Variants in PPIC observed in about 807,000 individuals in gnomAD.
PPIC encodes the protein peptidyl-prolyl cis-trans isomerase C.
In PPIC, 19 loss-of-function variants were observed where a neutral mutation model predicts 19.5. The observed-to-expected ratio is 0.98, with a 90% confidence interval of 0.68 to 1.43. The LOEUF is 1.43. Ranked by LOEUF, PPIC falls within the 40% of genes most tolerant of loss-of-function variation. PPIC has a pLI of 0.00. For synonymous variants in PPIC, 107 were observed against 101.2 expected (o/e 1.06, Z -0.34); for missense variants, 268 against 268.6 (o/e 1.00, Z 0.02).
intron 1 of PPIC, among the ~76,000 whole-genome samples, chr5:123,034,671 T>C (rs974096035): frequency 1.3e-5 from 2 of 152,348 alleles, no homozygotes; most frequent in South Asian, 2.1e-4. Context: ...CATTTATTCA[T>C]TGTTAATCTG....
intron 1 of PPIC, among the ~76,000 whole-genome samples, chr5:123,033,803 C>T (rs766429352): frequency 6.6e-6 from 1 of 152,234 alleles, no homozygotes; most frequent in Non-Finnish European, 1.5e-5. Flanking sequence ...TGCTAATGTG[C>T]TTGCAAGCTG....
intron 3 of PPIC, among the ~76,000 whole-genome samples, chr5:123,028,011 A>G (rs1034457912): frequency 6.6e-6 from 1 of 152,196 alleles, no homozygotes; most frequent in African/African-American, 2.4e-5. Flanking sequence ...GTTTGTTTCT[A>G]TTACAATTTT....
At position 123,036,392 on chromosome 5, in the gene PPIC, C is replaced by A; in HGVS notation, c.117+117G>T. On this transcript the variant is annotated intron_variant, in intron 1 of 4. Coordinates refer to ENST00000306442, the MANE Select transcript of PPIC (RefSeq NM_000943.5). The surrounding 1 kb of genome is among the most constrained non-coding windows in gnomAD (Gnocchi z 4.5). ...CCCAGTCCCGCGGCCGCCTCCAGTC[C>A]CCCTGCGCCCGGGAAGCCTCCACCT... 1 of 953,928 alleles carries A rather than the reference C, an allele frequency of 1.0e-6. No homozygotes were observed. Among genetic ancestry groups the A allele is most frequent in the Non-Finnish European group, 1.6e-6 (1 of 623,110 alleles). 59.1% of individuals were successfully genotyped at this position (953,928 alleles called of 1,614,324 possible). A position where few individuals can be genotyped will look rare whatever the true frequency, so the allele number is the denominator to read the frequency against.
intron 1 of PPIC, among the ~76,000 whole-genome samples, chr5:123,030,533 A>C (rs563333630): frequency 6.6e-6 from 1 of 152,390 alleles, no homozygotes; most frequent in East Asian, 1.9e-4. Flanking sequence ...GTTCAAGTCA[A>C]GAGCTTCTGC....
rs1271822270 is a variant in PPIC at position 123,024,350 on chromosome 5, T to TA, written c.511-348dup. Among the ~76,000 whole-genome samples the TA allele has an allele frequency of 2.6e-5, 4 of 152,330 alleles. No individual in the cohort carries two copies. The East Asian group carries it at 7.7e-4, about 29-fold the overall frequency. ...GTAAAAGGCATTTCCATTCACCTGG[T>TA]ATAAGCCAGCGTAACAGTTAACATG... On this transcript the variant is annotated intron_variant, in intron 4 of 4. Coordinates refer to ENST00000306442, the MANE Select transcript of PPIC (RefSeq NM_000943.5).
At chr5:123,031,755 G>A (rs536477690) in intron 1 of PPIC, among the ~76,000 whole-genome samples, 2 of 152,286 alleles carry the variant, frequency 1.3e-5, no homozygotes, top group South Asian at 2.1e-4. Context: ...CACTGGGGTG[G>A]TGGCAGAAGG....
chr5:123,031,637 A>G (rs1249215902), intron 1 of PPIC, among the ~76,000 whole-genome samples: 1 of 152,164 alleles, frequency 6.6e-6, no homozygotes, highest in Non-Finnish European at 1.5e-5. Flanking sequence ...GGCAAAAGAG[A>G]GAAGACAAAG....
chr5:123,029,022 C>G, intron 2 of PPIC, 154 bp from the exon 3 acceptor site: 3 of 822,076 alleles, frequency 3.6e-6, no homozygotes, highest in Non-Finnish European at 5.6e-6. Context: ...AGAAATTTAT[C>G]ATTAGCTGAC....
At chr5:123,028,400 C>T (rs940761835) in intron 3 of PPIC, 3 of 173,680 alleles carry the variant, frequency 1.7e-5, no homozygotes, top group Admixed American at 6.3e-5. Flanking sequence ...CCTCCTGCAA[C>T]GCCCACCTCT....
At chr5:123,024,029 G>T (rs775458766) in intron 4 of PPIC, 26 bp from the exon 5 acceptor site, 2 of 1,603,660 alleles carry the variant, frequency 1.2e-6, no homozygotes, top group Non-Finnish European at 1.7e-6. Flanking sequence ...TAGACACATG[G>T]TTTAATTCTG....
chr5:123,025,019 T>G (rs935230176), intron 4 of PPIC, among the ~76,000 whole-genome samples: 1 of 152,198 alleles, frequency 6.6e-6, no homozygotes. Context: ...CCCAACAGTA[T>G]AGATTCAAAT....
At chr5:123,033,900 G>A (rs185732913) in intron 1 of PPIC, among the ~76,000 whole-genome samples, 11 of 152,334 alleles carry the variant, frequency 7.2e-5, no homozygotes, top group African/African-American at 2.4e-4. Flanking sequence ...CATTGGTTCA[G>A]AAATATAGGT....
chr5:123,029,697 TG>T lies in PPIC; in HGVS notation c.118-280del, dbSNP rs769750395. On this transcript the variant is annotated intron_variant, in intron 1 of 4. Transcript: ENST00000306442. ...AAGGCTGACTCAACTCTGTCAGTGTTGGCCAATGAAGTCTTCAATAATTCTT... is the reference window on the plus strand; with the variant it reads ...AAGGCTGACTCAACTCTGTCAGTGTTGCCAATGAAGTCTTCAATAATTCTT... 3.3e-5 allele frequency among the ~76,000 whole-genome samples: 5 copies of T among 152,310 alleles called. 1 individual carries two copies. The highest frequency in any genetic ancestry group is 1.3e-4 in the Admixed American group (2 of 15,304).
chr5:123,029,365 G>A lies in PPIC; in HGVS notation c.171C>T (p.Gly57=), dbSNP rs758526667. 3.7e-6 allele frequency: 6 copies of A among 1,611,098 alleles called. No homozygotes were observed. The highest frequency in any genetic ancestry group is 2.2e-5 in the East Asian group (1 of 44,836). ...TCTTGGGCACAACTTTTCCAAAGAG[G>A]CCAATCACAATTCTGCCAACATCTT... ...GDKDVGRIVI[G]LFGKVVPKTV... Residue 57 remains glycine (G), a synonymous_variant, in exon 2 of 5, where the codon GGC becomes GGT. Transcript: ENST00000306442.
intron 3 of PPIC, among the ~76,000 whole-genome samples, chr5:123,027,262 T>C (rs559620935): frequency 9.9e-5 from 15 of 152,250 alleles, no homozygotes; most frequent in Admixed American, 4.6e-4. Context: ...TCAGTGACAC[T>C]TGAAGTGGCC....
chr5:123,036,459 C>CCGCAACAGGGGAACAA lies in PPIC; in HGVS notation c.117+49_117+50insTTGTTCCCCTGTTGCG, dbSNP rs1561756029. 1 of 1,534,432 alleles carries CCGCAACAGGGGAACAA rather than the reference C, an allele frequency of 6.5e-7. No individual in the cohort carries two copies. The highest frequency in any genetic ancestry group is 8.9e-7 in the Non-Finnish European group (1 of 1,121,660). Reference sequence around the variant, plus strand: ...GAGGTCCCAGTATCCAAAGCGCCCCCAGGGCCCCGCCCGCAACAGGGGAAG... The same window carrying CCGCAACAGGGGAACAA: ...GAGGTCCCAGTATCCAAAGCGCCCCCCGCAACAGGGGAACAAAGGGCCCCGCCCGCAACAGGGGAAG... On this transcript the variant is annotated intron_variant, in intron 1 of 4. Transcript: ENST00000306442. The surrounding 1 kb of genome is among the most constrained non-coding windows in gnomAD (Gnocchi z 4.5).
intron 1 of PPIC, among the ~76,000 whole-genome samples, chr5:123,035,323 A>G (rs899398034): frequency 2.6e-5 from 4 of 152,166 alleles, no homozygotes; most frequent in African/African-American, 9.7e-5. Flanking sequence ...GCTTTATCCC[A>G]AGAGACCCCG....
At position 123,023,604 on chromosome 5, in the gene PPIC, G is replaced by T; in HGVS notation, c.*271C>A. The T allele has an allele frequency of 4.1e-6, 1 of 246,338 alleles. No homozygotes were observed. The highest frequency in any genetic ancestry group is 7.5e-6 in the Non-Finnish European group (1 of 133,604). 15.3% of individuals were successfully genotyped at this position (246,338 alleles called of 1,614,324 possible). A position where few individuals can be genotyped will look rare whatever the true frequency, so the allele number is the denominator to read the frequency against. ...AAAAAAATATTGCATTAAAAAAATA[G>T]CCAATTCAAAGTTTTTTTTAGTTTT... is the stretch of plus-strand genomic sequence containing the variant. On this transcript the variant is annotated 3_prime_UTR_variant, in exon 5 of 5. Coordinates refer to ENST00000306442, the MANE Select transcript of PPIC (RefSeq NM_000943.5).
chr5:123,026,110 C>A, intron 3 of PPIC, 142 bp from the exon 4 acceptor site: 1 of 690,900 alleles, frequency 1.4e-6, no homozygotes, highest in South Asian at 2.3e-5. Context: ...CATAAGCAGA[C>A]ATGAAGGAGG....
Sources: gnomAD v4.1 joint callset for allele counts (sites outside exome capture counted in the v4.1 genomes callset) on GRCh38, gnomAD v4.1.1 for gene constraint, Gnocchi (gnomAD v3.1) non-coding constraint, MANE v1.5 for transcripts, NCBI Gene and HGNC (gene_info 2026-07-23, HGNC 2026-07-21) for gene names.